Variants in BAZ2B observed in about 807,000 individuals in gnomAD.
BAZ2B encodes bromodomain adjacent to zinc finger domain protein 2B.
A neutral mutation model predicts 246.0 loss-of-function variants in BAZ2B; 91 were observed. The ratio of observed to expected loss-of-function variants is 0.37; its 90% CI spans 0.31 to 0.44. The LOEUF is 0.44. BAZ2B is among the 20% of genes least tolerant of loss of function. BAZ2B has a pLI of 1.00. For synonymous variants in BAZ2B, 855 were observed against 860.0 expected, an observed-to-expected ratio of 0.99 and a Z score of 0.10; for missense variants, 2,332 against 2,533.7, an observed-to-expected ratio of 0.92 and a Z score of 1.71.
At chr2:159,538,381 G>A (rs1240222153) in intron 2 of BAZ2B, among the ~76,000 whole-genome samples, 3 of 152,002 alleles carry the variant, frequency 2.0e-5, no homozygotes, top group Non-Finnish European at 4.4e-5. Context: ...TTTAATCCTT[G>A]CATGTGGTAC....
chr2:159,702,220 C>T, the BAZ2B span, among the ~76,000 whole-genome samples: 5 of 152,110 alleles, frequency 3.3e-5, no homozygotes, highest in Admixed American at 6.5e-5. Context: ...CCATTTTGGT[C>T]GGTTAAAAAG....
the BAZ2B span, among the ~76,000 whole-genome samples, chr2:159,670,087 C>T: frequency 2.0e-5 from 3 of 152,052 alleles, no homozygotes; most frequent in South Asian, 4.1e-4. Context: ...TCTCCTGCCT[C>T]AGCCTCCCAA....
At chr2:159,495,968 C>T (rs1337318221) in intron 2 of BAZ2B, among the ~76,000 whole-genome samples, 2 of 151,408 alleles carry the variant, frequency 1.3e-5, no homozygotes, top group African/African-American at 2.4e-5. Context: ...GATGGGGTTT[C>T]ACGTGTTAGC....
chr2:159,586,369 C>G (rs1688011056), intron 1 of BAZ2B, among the ~76,000 whole-genome samples: 1 of 151,720 alleles, frequency 6.6e-6, no homozygotes, highest in South Asian at 2.1e-4. Flanking sequence ...AGATACAAAC[C>G]TGCTGAACAA....
intron 1 of BAZ2B, among the ~76,000 whole-genome samples, chr2:159,584,477 G>A (rs1212471079): frequency 6.6e-6 from 1 of 152,188 alleles, no homozygotes; most frequent in African/African-American, 2.4e-5. Flanking sequence ...ACTCTTGGGA[G>A]TAGGAGCAGA....
the BAZ2B span, among the ~76,000 whole-genome samples, chr2:159,667,464 C>A: frequency 6.6e-6 from 1 of 151,936 alleles, no homozygotes; most frequent in South Asian, 2.1e-4. Flanking sequence ...GGCATGGTGG[C>A]ACATGCCTGT....
intron 2 of BAZ2B, among the ~76,000 whole-genome samples, chr2:159,552,253 T>A (rs934429289): frequency 2.6e-5 from 4 of 152,216 alleles, no homozygotes; most frequent in Non-Finnish European, 5.9e-5. Flanking sequence ...GCCTCCTTGC[T>A]GAAACTTGCT....
In BAZ2B at chr2:159,412,404, G is replaced by C. The variant is rs1209422567; in HGVS notation, c.2608C>G (p.Pro870Ala). The C allele has an allele frequency of 1.2e-6, 2 of 1,613,994 alleles. No homozygotes were observed. Among genetic ancestry groups the C allele is most frequent in the Non-Finnish European group, 1.7e-6 (2 of 1,179,992 alleles). ...SRMRRRKGRPPNVGNAEFLDN... is the reference protein window; with the variant it reads ...SRMRRRKGRPANVGNAEFLDN... The stretch of plus-strand genomic sequence containing the variant: ...AGGAATTCAGCATTGCCAACATTTG[G>C]AGGTCGACCTTTCCGACGTCTCATC... Residue 870 changes from proline to alanine, a missense_variant, in exon 14 of 37, where the codon CCA (proline) becomes GCA (alanine). By Grantham distance (27) the Pro-to-Ala change is conservative. This residue lies in a region of BAZ2B where 651 missense variants were observed against 650.9 expected (regional missense o/e 1.00). Coordinates refer to ENST00000392783, the MANE Select transcript of BAZ2B (RefSeq NM_013450.4).
the BAZ2B span, among the ~76,000 whole-genome samples, chr2:159,711,088 T>C: frequency 6.6e-6 from 1 of 152,160 alleles, no homozygotes; most frequent in Non-Finnish European, 1.5e-5. Flanking sequence ...GTTAAGGAAT[T>C]GCTTGAGATA....
chr2:159,573,984 C>T (rs1684629300), intron 1 of BAZ2B, among the ~76,000 whole-genome samples: 1 of 151,932 alleles, frequency 6.6e-6, no homozygotes, highest in South Asian at 2.1e-4. Context: ...GCCCATAGTC[C>T]CAGCTACTTG....
intron 2 of BAZ2B, among the ~76,000 whole-genome samples, chr2:159,540,442 T>C (rs1578204454): frequency 6.6e-6 from 1 of 152,194 alleles, no homozygotes; most frequent in African/African-American, 2.4e-5. Flanking sequence ...GGTTGAAGAA[T>C]GTGTCTCATA....
intron 30 of BAZ2B, among the ~76,000 whole-genome samples, 194 bp from the exon 31 acceptor site, chr2:159,347,840 C>T (rs148842865): frequency 4.4e-4 from 67 of 152,042 alleles, no homozygotes; most frequent in African/African-American, 1.5e-3. Context: ...CAATATGCTA[C>T]GGGTGTAAAA....
chr2:159,427,723 T>C (rs1447143349), intron 13 of BAZ2B, among the ~76,000 whole-genome samples: 1 of 152,008 alleles, frequency 6.6e-6, no homozygotes. Flanking sequence ...ACAGAAAAAA[T>C]TTACTTAAAT....
chr2:159,595,029 T>C (rs997740356), intron 1 of BAZ2B, among the ~76,000 whole-genome samples: 1 of 152,234 alleles, frequency 6.6e-6, no homozygotes, highest in African/African-American at 2.4e-5. Flanking sequence ...TGGACTGATA[T>C]TAAATAATTA....
chr2:159,571,979 G>A (rs949414618), intron 1 of BAZ2B, among the ~76,000 whole-genome samples: 1 of 152,168 alleles, frequency 6.6e-6, no homozygotes, highest in African/African-American at 2.4e-5. Context: ...GCAACATCAA[G>A]TTTCAACATG....
intron 1 of BAZ2B, among the ~76,000 whole-genome samples, chr2:159,572,705 T>C (rs1418094212): frequency 1.3e-5 from 2 of 152,210 alleles, no homozygotes; most frequent in African/African-American, 2.4e-5. Flanking sequence ...ATATAGATAG[T>C]GCTTGCTTTT....
At chr2:159,433,444 A>T in intron 8 of BAZ2B, 81 bp from the exon 9 acceptor site, 1 of 1,256,824 alleles carries the variant, frequency 8.0e-7, no homozygotes, top group Non-Finnish European at 1.1e-6. Context: ...ATATCTGAAA[A>T]CAAATTATAG....
At chr2:159,393,627 TC>T (rs67413247) in intron 20 of BAZ2B, among the ~76,000 whole-genome samples, 100,225 of 151,672 alleles carry the variant, frequency 0.66, 36,560 homozygotes, top group Non-Finnish European at 0.83. Context: ...TACTTCTGTT[TC>T]TTTTTGCTTA....
chr2:159,562,284 T>A (rs1208720332), intron 1 of BAZ2B, among the ~76,000 whole-genome samples: 1 of 152,174 alleles, frequency 6.6e-6, no homozygotes, highest in Non-Finnish European at 1.5e-5. Context: ...TTACATGAAG[T>A]TTAGCGAGAC....
Sources: allele counts gnomAD v4.1 joint callset (sites outside exome capture counted in the v4.1 genomes callset), GRCh38; gene constraint gnomAD v4.1.1; regional missense constraint gnomAD v4.1.1; transcripts MANE v1.5; gene names NCBI Gene and HGNC (gene_info 2026-07-23, HGNC 2026-07-21).